The following BIRC6 variants were observed in gnomAD, a reference collection of about 807,000 sequenced individuals.
The protein encoded by BIRC6 is dual E2 ubiquitin-conjugating enzyme/E3 ubiquitin-protein ligase BIRC6.
In BIRC6, 98 loss-of-function variants were observed where a neutral mutation model predicts 503.3. That is an observed-to-expected ratio of 0.19 (90% CI 0.17 to 0.23). The LOEUF is 0.23. Ranked by LOEUF, BIRC6 falls within the 10% of genes least tolerant of loss-of-function variation. BIRC6 has a pLI of 1.00. For synonymous variants in BIRC6, 2,240 were observed against 2,078.7 expected (o/e 1.08, Z -2.11); for missense variants, 5,360 against 5,806.0 (o/e 0.92, Z 2.50).
At chr2:32,605,924 T>G (rs1360455380) in intron 71 of BIRC6, among the ~76,000 whole-genome samples, 1 of 152,184 alleles carries the variant, frequency 6.6e-6, no homozygotes, top group African/African-American at 2.4e-5. Context: ...GAATTAAAGT[T>G]TTTCCCATAG....
At chr2:32,407,915 T>C (rs2041420614) in intron 9 of BIRC6, among the ~76,000 whole-genome samples, 1 of 152,140 alleles carries the variant, frequency 6.6e-6, no homozygotes, top group Non-Finnish European at 1.5e-5. Context: ...TTTCCTATTT[T>C]GTTCTTTTGC....
chr2:32,479,366 T>A, intron 36 of BIRC6, 96 bp from the exon 37 acceptor site: 1 of 1,188,082 alleles, frequency 8.4e-7, no homozygotes, highest in South Asian at 1.5e-5. Context: ...AGAGCATTTA[T>A]TCTGTCAGTG....
rs1186938547 is a variant in BIRC6 at position 32,479,473 on chromosome 2, G to T, written c.7264G>T (p.Ala2422Ser). 1 of 1,599,436 alleles carries T rather than the reference G, an allele frequency of 6.3e-7. No individual in the cohort carries two copies. The highest frequency in any genetic ancestry group is 1.1e-5 in the South Asian group (1 of 88,588). The change falls in exon 37 of 74, where the codon GCT becomes TCT. Residue 2422 changes from alanine (A) to serine (S), a missense_variant. This residue lies in a region of BIRC6 where 2,299 missense variants were observed against 2,267.2 expected (regional missense o/e 1.01). Transcript: ENST00000421745. ...LQDILAGELL[A>S]PVAAEAMEEG... is the part of the protein sequence containing the mutation. The stretch of plus-strand genomic sequence containing the variant: ...CCCCTTACATACAGGAGAATTACTG[G>T]CTCCAGTAGCCGCAGAAGCCATGGA...
chr2:32,569,979 A>C (rs1195227808), intron 65 of BIRC6, among the ~76,000 whole-genome samples: 1 of 152,094 alleles, frequency 6.6e-6, no homozygotes, highest in Non-Finnish European at 1.5e-5. Flanking sequence ...GAGTGGTGAA[A>C]ATGAGAACTC....
intron 1 of BIRC6, among the ~76,000 whole-genome samples, chr2:32,371,580 A>T (rs2035959895): frequency 1.3e-5 from 2 of 151,832 alleles, no homozygotes; most frequent in Non-Finnish European, 2.9e-5. Context: ...CAGGGGTTTC[A>T]CTGTGTTACC....
intron 61 of BIRC6, among the ~76,000 whole-genome samples, chr2:32,534,374 C>T: frequency 1.1e-5 from 1 of 92,580 alleles, no homozygotes; most frequent in East Asian, 3.6e-4. Context: ...AATTCCATCT[C>T]AAAAAAAAAA....
intron 29 of BIRC6, 45 bp from the exon 30 acceptor site, chr2:32,469,350 A>G (rs989062493): frequency 3.5e-6 from 5 of 1,427,332 alleles, no homozygotes; most frequent in African/African-American, 2.9e-5. Context: ...AATATTATAC[A>G]ATACATTTAA....
intron 15 of BIRC6, among the ~76,000 whole-genome samples, chr2:32,439,107 A>G (rs111653775): frequency 3.3e-5 from 5 of 152,190 alleles, no homozygotes; most frequent in Admixed American, 6.5e-5. Context: ...ATGTGTGTAC[A>G]TGTATGCATA....
intron 22 of BIRC6, among the ~76,000 whole-genome samples, chr2:32,450,274 C>T (rs995810937): frequency 4.6e-5 from 7 of 152,088 alleles, no homozygotes; most frequent in African/African-American, 1.2e-4. Context: ...GTCAGGAGAT[C>T]GAGACCATCC....
chr2:32,400,586 C>T (rs1040090088), intron 6 of BIRC6, among the ~76,000 whole-genome samples: 1 of 152,140 alleles, frequency 6.6e-6, no homozygotes. Flanking sequence ...ATCCACCCGC[C>T]TCAGCCTCCC....
chr2:32,481,320 G>A lies in BIRC6; in HGVS notation c.7409G>A (p.Gly2470Asp), dbSNP rs1182377442. 2 of 1,587,094 alleles carry A rather than the reference G, an allele frequency of 1.3e-6. No individual in the cohort carries two copies. Among genetic ancestry groups the A allele is most frequent in the Admixed American group, 3.5e-5 (2 of 56,732 alleles). Reference protein sequence around the residue: ...IDEPLTHDITGAPPLSSLEKD... With the variant: ...IDEPLTHDITDAPPLSSLEKD... ...TAAGATCACTTTTAATTATTTGAAG[G>A]TGCACCTCCTCTGTCCTCTTTGGAA... is the stretch of plus-strand genomic sequence containing the variant. Residue 2470 changes from glycine to aspartate, a missense_variant and splice_region_variant, in exon 38 of 74, where the codon GGT becomes GAT. Physicochemically the swap from Gly to Asp is moderately conservative, Grantham distance 94 (BLOSUM62 -1). Transcript: ENST00000421745.
At chr2:32,519,112 C>A (rs1388300684) in intron 57 of BIRC6, 166 bp downstream of exon 57, 8 of 673,908 alleles carry the variant, frequency 1.2e-5, no homozygotes, top group Non-Finnish European at 1.9e-5. Context: ...GTCAAGTGGA[C>A]AAAATGTAAA....
chr2:32,453,367 T>A (rs573451319), intron 22 of BIRC6, among the ~76,000 whole-genome samples: 17 of 152,344 alleles, frequency 1.1e-4, no homozygotes, highest in African/African-American at 4.1e-4. Flanking sequence ...TCCTTTGTTT[T>A]GTGTCTTATA....
intron 21 of BIRC6, among the ~76,000 whole-genome samples, chr2:32,447,310 C>T (rs1311218649): frequency 2.7e-5 from 4 of 150,354 alleles, no homozygotes; most frequent in Non-Finnish European, 4.5e-5. Flanking sequence ...AGGGGCTCCT[C>T]ACTTCCCAGT....
chr2:32,387,790 T>C (rs1180570197), intron 3 of BIRC6, among the ~76,000 whole-genome samples: 1 of 152,202 alleles, frequency 6.6e-6, no homozygotes, highest in African/African-American at 2.4e-5. Flanking sequence ...ACTGGATGAA[T>C]AGGAAAAATG....
chr2:32,471,707 TG>T (rs1265319009), intron 32 of BIRC6, among the ~76,000 whole-genome samples: 1 of 152,138 alleles, frequency 6.6e-6, no homozygotes, highest in Non-Finnish European at 1.5e-5. Context: ...CAGAGATTCT[TG>T]TTCTGAAAAT....
chr2:32,404,619 C>T (rs1158042953), intron 8 of BIRC6, among the ~76,000 whole-genome samples: 1 of 151,872 alleles, frequency 6.6e-6, no homozygotes, highest in African/African-American at 2.4e-5. Flanking sequence ...TGGCCTTAGC[C>T]ATAAAATGTT....
At position 32,433,737 on chromosome 2, in the gene BIRC6, C is replaced by T. The variant is rs1455199113; in HGVS notation, c.3342C>T (p.Ile1114=). The T allele has an allele frequency of 1.2e-6, 2 of 1,601,586 alleles. No individual in the cohort carries two copies. Among genetic ancestry groups the T allele is most frequent in the Non-Finnish European group, 1.7e-6 (2 of 1,171,306 alleles). ...VDFKFVLNSN[I]TNIPQIQVTL... is the part of the protein sequence containing the mutation. ...TCAAATTCGTTTTGAACTCAAACAT[C>T]ACCAATATTCCACAGATACAAGTGA... Residue 1114 remains isoleucine, a synonymous_variant, in exon 13 of 74, where the codon ATC becomes ATT. Coordinates refer to ENST00000421745, the MANE Select transcript of BIRC6 (RefSeq NM_016252.4).
At chr2:32,544,591 G>A (rs2057921135) in intron 62 of BIRC6, among the ~76,000 whole-genome samples, 1 of 150,526 alleles carries the variant, frequency 6.6e-6, no homozygotes. Flanking sequence ...TTTTGATTAG[G>A]GTCGATTTCT....
Sources: allele counts gnomAD v4.1 joint callset (sites outside exome capture counted in the v4.1 genomes callset), GRCh38; gene constraint gnomAD v4.1.1; regional missense constraint gnomAD v4.1.1; transcripts MANE v1.5; gene names NCBI Gene and HGNC (gene_info 2026-07-23, HGNC 2026-07-21).